The following MAP3K4 variants were observed in gnomAD, a reference collection of about 807,000 sequenced individuals.
The protein encoded by MAP3K4 is MAP three kinase 1.
Under a neutral mutation model 185.6 loss-of-function variants are expected in MAP3K4, and 67 were observed. That is an observed-to-expected ratio of 0.36 (90% CI 0.30 to 0.44). The LOEUF (loss-of-function observed/expected upper bound fraction) is 0.44, where lower values mean the gene tolerates loss of function less well. Ranked by LOEUF, MAP3K4 falls within the 20% of genes least tolerant of loss-of-function variation. The pLI, the probability that MAP3K4 is intolerant of heterozygous loss-of-function variation, is 1.00. For missense variants in MAP3K4, 1,551 were observed against 1,995.1 expected, an observed-to-expected ratio of 0.78 and a Z score of 4.24; for synonymous variants, 702 against 710.4, an observed-to-expected ratio of 0.99 and a Z score of 0.19.
At chr6:161,050,109 A>G (rs1783934624) in intron 3 of MAP3K4, 130 bp downstream of exon 3, 2 of 873,136 alleles carry the variant, frequency 2.3e-6, no homozygotes, top group East Asian at 2.6e-5. Flanking sequence ...TAAATTGCAC[A>G]TTTAAGCATT....
Position 161,093,190 on chromosome 6 carries a change from G to T in MAP3K4, c.3348+134G>T. 1.6e-6 allele frequency: 1 copy of T among 611,504 alleles called. No individual in the cohort carries two copies. Among genetic ancestry groups the T allele is most frequent in the Non-Finnish European group, 2.8e-6 (1 of 356,268 alleles). The allele number at this position is 611,504 out of a possible 1,614,324, so 37.9% of individuals were successfully genotyped here. ...TCTCAGCATATCATGTAATGATAAT[G>T]CTGAGAAATTAAAGTACTCCTCATA... On this transcript the variant is annotated intron_variant, in intron 14 of 26. Transcript: ENST00000392142. The surrounding 1 kb of genome is among the most constrained non-coding windows in gnomAD (Gnocchi z 5.2).
rs1467664457 is a variant in MAP3K4 at position 161,074,519 on chromosome 6, G to C, written c.2097+907G>C. 1.3e-5 allele frequency among the ~76,000 whole-genome samples: 2 copies of C among 152,148 alleles called. No individual in the cohort carries two copies. Among genetic ancestry groups the C allele is most frequent in the African/African-American group, 4.8e-5 (2 of 41,418 alleles). ...GAACTCTTTTTAGCAGTTACAGTTA[G>C]AACTATATGGTTTAACATTTAAACA... On this transcript the variant is annotated intron_variant, in intron 5 of 26. Transcript: ENST00000392142. The surrounding 1 kb of genome is among the most constrained non-coding windows in gnomAD (Gnocchi z 5.0).
chr6:161,036,622 A>G (rs1362606365), intron 2 of MAP3K4, among the ~76,000 whole-genome samples: 2 of 152,178 alleles, frequency 1.3e-5, no homozygotes, highest in Non-Finnish European at 2.9e-5. Context: ...AATGGCTGCT[A>G]TATCATTTGT....
intron 2 of MAP3K4, among the ~76,000 whole-genome samples, chr6:161,036,703 C>T (rs906484511): frequency 1.3e-5 from 2 of 152,092 alleles, no homozygotes; most frequent in Non-Finnish European, 2.9e-5. Flanking sequence ...TGCTTAACAC[C>T]TCAAAAGAAT....
chr6:161,072,439 A>T (rs1307527982), intron 4 of MAP3K4, among the ~76,000 whole-genome samples: 2 of 152,110 alleles, frequency 1.3e-5, no homozygotes, highest in African/African-American at 2.4e-5. Flanking sequence ...TGTGTGTGTG[A>T]GTTTTTTCCC....
At chr6:161,078,421 A>C (rs1349307364) in intron 5 of MAP3K4, among the ~76,000 whole-genome samples, 1 of 152,210 alleles carries the variant, frequency 6.6e-6, no homozygotes, top group Non-Finnish European at 1.5e-5. Context: ...GGATAAGCCC[A>C]TGGGATCTGA....
chr6:161,090,884 A>G (rs1777270765), intron 11 of MAP3K4, among the ~76,000 whole-genome samples: 1 of 152,192 alleles, frequency 6.6e-6, no homozygotes, highest in Non-Finnish European at 1.5e-5. Flanking sequence ...TTTTTCCTCC[A>G]AATTTTGACC....
At chr6:161,057,690 G>A (rs551332033) in intron 3 of MAP3K4, among the ~76,000 whole-genome samples, 8 of 152,232 alleles carry the variant, frequency 5.3e-5, no homozygotes, top group African/African-American at 1.7e-4. Context: ...GTGCTCTTCC[G>A]CCCCATGCCT....
At position 161,108,052 on chromosome 6, in the gene MAP3K4, G is replaced by A; in HGVS notation, c.4119+83G>A. 1 of 1,262,950 alleles carries A rather than the reference G, an allele frequency of 7.9e-7. No individual in the cohort carries two copies. The highest frequency in any genetic ancestry group is 1.1e-6 in the Non-Finnish European group (1 of 889,820). The allele number at this position is 1,262,950 out of a possible 1,614,324, so 78.2% of individuals were successfully genotyped here. ...CCGTATAGACGCTGGTCGTGATTCA[G>A]TTCTCTGTGCGTAGAGCTGTCTTCA... On this transcript the variant is annotated intron_variant, in intron 21 of 26. Transcript: ENST00000392142. This position sits in a 1 kb window ranked among gnomAD's most constrained non-coding sequence, Gnocchi z 5.7.
rs184379833 is a variant in MAP3K4 at position 161,015,621 on chromosome 6, C to G, written c.153-18638C>G. 4.4e-3 allele frequency among the ~76,000 whole-genome samples: 665 copies of G among 152,210 alleles called. 2 individuals carry two copies. The highest frequency in any genetic ancestry group is 7.1e-3 in the Non-Finnish European group (484 of 68,020). On this transcript the variant is annotated intron_variant, in intron 1 of 26. Coordinates refer to ENST00000392142, the MANE Select transcript of MAP3K4 (RefSeq NM_005922.4). ...TTCCGGTGAGGGCCTCAGGAAGCTT[C>G]CACTCAAGGTAGAAGGAGAAGGGGA...
rs1782161975 is a variant in MAP3K4, at chr6:161,017,318, A to G, written c.153-16941A>G. Among the ~76,000 whole-genome samples, 1 of 152,108 alleles carries G rather than the reference A, an allele frequency of 6.6e-6. No individual in the cohort carries two copies. The highest frequency in any genetic ancestry group is 2.4e-5 in the African/African-American group (1 of 41,422). On this transcript the variant is annotated intron_variant, in intron 1 of 26. Coordinates refer to ENST00000392142, the MANE Select transcript of MAP3K4 (RefSeq NM_005922.4). This position sits in a 1 kb window ranked among gnomAD's most constrained non-coding sequence, Gnocchi z 5.1. ...CTAAGTCAAAACAATTTGGTGGCAT[A>G]CTTGTTTCTGTTAATGATATTTCCC... is the stretch of plus-strand genomic sequence containing the variant.
At chr6:161,031,226 C>G (rs1218719639) in intron 1 of MAP3K4, among the ~76,000 whole-genome samples, 2 of 152,076 alleles carry the variant, frequency 1.3e-5, no homozygotes, top group Non-Finnish European at 2.9e-5. Context: ...GATCGGAAAA[C>G]AAGGGACTGT....
rs114882708 is a variant in MAP3K4, at chr6:161,081,990, T to C, written c.2255+952T>C. 3.2e-3 allele frequency among the ~76,000 whole-genome samples: 494 copies of C among 152,268 alleles called. 3 individuals carry two copies. Among genetic ancestry groups the C allele is most frequent in the African/African-American group, 0.011 (464 of 41,536 alleles). On this transcript the variant is annotated intron_variant, in intron 6 of 26. Coordinates refer to ENST00000392142, the MANE Select transcript of MAP3K4 (RefSeq NM_005922.4). ...GTCTCCTGGTCCCGTCAGCGTGACT[T>C]CTGCAGGACTCTAGCTTTAGCTTTG...
rs945685811 is a variant in MAP3K4, at chr6:161,110,166, A to G, written c.4396+252A>G. Among the ~76,000 whole-genome samples, 1 of 152,172 alleles carries G rather than the reference A, an allele frequency of 6.6e-6. No homozygotes were observed. Among genetic ancestry groups the G allele is most frequent in the African/African-American group, 2.4e-5 (1 of 41,448 alleles). ...CTGTTTTCCCAAAATGAAGTTTGCT[A>G]TTTTTATAAGCTGATTTGGCATAGC... On this transcript the variant is annotated intron_variant, in intron 23 of 26. Transcript: ENST00000392142. The surrounding 1 kb of genome is among the most constrained non-coding windows in gnomAD (Gnocchi z 4.8).
Position 161,074,658 on chromosome 6 carries a change from A to G in MAP3K4, c.2097+1046A>G, listed in dbSNP as rs960289312. Among the ~76,000 whole-genome samples, 2 of 152,248 alleles carry G rather than the reference A, an allele frequency of 1.3e-5. No individual in the cohort carries two copies. The highest frequency in any genetic ancestry group is 2.9e-5 in the Non-Finnish European group (2 of 68,048). On this transcript the variant is annotated intron_variant, in intron 5 of 26. Coordinates refer to ENST00000392142, the MANE Select transcript of MAP3K4 (RefSeq NM_005922.4). This position sits in a 1 kb window ranked among gnomAD's most constrained non-coding sequence, Gnocchi z 5.0. Reference sequence around the variant, plus strand: ...CTGATAGTGTTCATGTATCGTAAGTACACGTTAGATTCATTAGGGTATATG... The same window carrying G: ...CTGATAGTGTTCATGTATCGTAAGTGCACGTTAGATTCATTAGGGTATATG...
rs1782464633 is a variant in MAP3K4 at position 161,022,850 on chromosome 6, G to A, written c.153-11409G>A. ...TAAGGTTCTGGTAAAGATGAAATGA[G>A]ACTGTATGATATCGAGCATAGTACT... On this transcript the variant is annotated intron_variant, in intron 1 of 26. Transcript: ENST00000392142. The surrounding 1 kb of genome is among the most constrained non-coding windows in gnomAD (Gnocchi z 4.2). Among the ~76,000 whole-genome samples the A allele has an allele frequency of 6.6e-6, 1 of 152,154 alleles. No homozygotes were observed. The highest frequency in any genetic ancestry group is 1.5e-5 in the Non-Finnish European group (1 of 68,014).
chr6:161,020,708 G>GA (rs1444892910), intron 1 of MAP3K4, among the ~76,000 whole-genome samples: 1 of 149,852 alleles, frequency 6.7e-6, no homozygotes, highest in Non-Finnish European at 1.5e-5. Context: ...TGCACATAAT[G>GA]AAAATTTACA....
At position 161,082,106 on chromosome 6, in the gene MAP3K4, T is replaced by C. The variant is rs1360912440; in HGVS notation, c.2255+1068T>C. Among the ~76,000 whole-genome samples, 1 of 152,008 alleles carries C rather than the reference T, an allele frequency of 6.6e-6. No individual in the cohort carries two copies. The highest frequency in any genetic ancestry group is 1.5e-5 in the Non-Finnish European group (1 of 68,008). On this transcript the variant is annotated intron_variant, in intron 6 of 26. Coordinates refer to ENST00000392142, the MANE Select transcript of MAP3K4 (RefSeq NM_005922.4). This position sits in a 1 kb window ranked among gnomAD's most constrained non-coding sequence, Gnocchi z 4.2. Reference sequence around the variant, plus strand: ...TGGCCAGTTCTTTTTACATCCTCTCTCTTTATTTGGAGTGGACAGTGAACT... The same window carrying C: ...TGGCCAGTTCTTTTTACATCCTCTCCCTTTATTTGGAGTGGACAGTGAACT...
chr6:161,041,061 GTGAGTAGGAGAAGGCTT>G lies in MAP3K4; in HGVS notation c.343+6615_343+6631del, dbSNP rs539810551. Among the ~76,000 whole-genome samples the G allele has an allele frequency of 1.3e-4, 20 of 152,348 alleles. No homozygotes were observed. The East Asian group carries it at 3.5e-3, about 27-fold the overall frequency. ...AAGGTGAAGCAGCCATGTCCAGAGTGTGAGTAGGAGAAGGCTTTGGGTAGGAGAAGGCCAAGGTGGAG... is the reference window on the plus strand; with the variant it reads ...AAGGTGAAGCAGCCATGTCCAGAGTGTGGGTAGGAGAAGGCCAAGGTGGAG... On this transcript the variant is annotated intron_variant, in intron 2 of 26. Transcript: ENST00000392142.
Sources: allele counts gnomAD v4.1 joint callset (sites outside exome capture counted in the v4.1 genomes callset), GRCh38; gene constraint gnomAD v4.1.1; non-coding constraint Gnocchi (gnomAD v3.1); transcripts MANE v1.5; gene names NCBI Gene and HGNC (gene_info 2026-07-23, HGNC 2026-07-21).